The following FNDC3B variants were observed in gnomAD, a reference collection of about 807,000 sequenced individuals.
The protein encoded by FNDC3B is fibronectin type III domain containing 3B.
FNDC3B carries 12 observed loss-of-function variants against 151.5 expected under a neutral mutation model. That is an observed-to-expected ratio of 0.08 (90% CI 0.05 to 0.13). The LOEUF is 0.13. Ranked by LOEUF, FNDC3B falls within the 10% of genes least tolerant of loss-of-function variation. FNDC3B has a pLI of 1.00. For missense variants in FNDC3B, 1,214 were observed against 1,505.3 expected, an observed-to-expected ratio of 0.81 and a Z score of 3.20; for synonymous variants, 528 against 549.0, an observed-to-expected ratio of 0.96 and a Z score of 0.54.
intron 2 of FNDC3B, among the ~76,000 whole-genome samples, chr3:172,118,028 G>A (rs1720349261): frequency 1.3e-5 from 2 of 152,296 alleles, no homozygotes; most frequent in Admixed American, 1.3e-4. Flanking sequence ...TCAGCACTTA[G>A]CATGTCATTT....
At chr3:172,128,305 T>G (rs1720903987) in intron 2 of FNDC3B, among the ~76,000 whole-genome samples, 1 of 152,240 alleles carries the variant, frequency 6.6e-6, no homozygotes. Flanking sequence ...TACTTGCTTA[T>G]GTTTTTAATC....
intron 3 of FNDC3B, among the ~76,000 whole-genome samples, chr3:172,202,459 A>C (rs940699077): frequency 6.6e-6 from 1 of 152,226 alleles, no homozygotes; most frequent in African/African-American, 2.4e-5. Context: ...CCAGAGAACT[A>C]CACATGATAG....
chr3:172,155,759 A>G (rs1054139587), intron 3 of FNDC3B, among the ~76,000 whole-genome samples: 2 of 152,194 alleles, frequency 1.3e-5, no homozygotes, highest in African/African-American at 4.8e-5. Context: ...ATTTTCAGTA[A>G]AGTCACTTGA....
intron 23 of FNDC3B, among the ~76,000 whole-genome samples, chr3:172,374,388 A>G (rs77603191): frequency 6.6e-6 from 1 of 152,144 alleles, no homozygotes; most frequent in South Asian, 2.1e-4. Flanking sequence ...CTTTGATTTT[A>G]TTTATTTACT....
chr3:172,253,401 G>T (rs564838401), intron 6 of FNDC3B, among the ~76,000 whole-genome samples: 5 of 152,222 alleles, frequency 3.3e-5, no homozygotes, highest in East Asian at 1.9e-4. Flanking sequence ...TTGTTCATGG[G>T]GTCCATCAAG....
chr3:172,171,483 C>G (rs1723279290), intron 3 of FNDC3B, among the ~76,000 whole-genome samples: 2 of 151,958 alleles, frequency 1.3e-5, no homozygotes, highest in African/African-American at 4.8e-5. Flanking sequence ...TTTTAAAACT[C>G]TCTTTGCACA....
intron 3 of FNDC3B, among the ~76,000 whole-genome samples, chr3:172,188,993 C>A (rs1474017584): frequency 6.6e-6 from 1 of 152,054 alleles, no homozygotes; most frequent in African/African-American, 2.4e-5. Flanking sequence ...GGAAGAAGAA[C>A]CCTAAGAATG....
intron 2 of FNDC3B, among the ~76,000 whole-genome samples, chr3:172,120,920 C>G (rs1023076095): frequency 1.3e-5 from 2 of 151,848 alleles, no homozygotes; most frequent in Non-Finnish European, 2.9e-5. Flanking sequence ...GCCGAGATTG[C>G]GCCATTGCAC....
chr3:172,266,698 C>T, intron 6 of FNDC3B, among the ~76,000 whole-genome samples: 1 of 152,204 alleles, frequency 6.6e-6, no homozygotes, highest in East Asian at 1.9e-4. Flanking sequence ...TCAAGACCAG[C>T]ATCTTCAAAT....
intron 3 of FNDC3B, among the ~76,000 whole-genome samples, chr3:172,208,829 C>T (rs543751570): frequency 2.0e-5 from 3 of 152,286 alleles, no homozygotes; most frequent in East Asian, 3.9e-4. Context: ...GGTCCGGCCA[C>T]TGTGCACAGC....
intron 14 of FNDC3B, 67 bp downstream of exon 14, chr3:172,333,242 A>G (rs920288218): frequency 2.7e-5 from 27 of 1,012,254 alleles, no homozygotes; most frequent in East Asian, 7.1e-5. Context: ...ACCATTTACC[A>G]TGTCAGATTG....
intron 1 of FNDC3B, among the ~76,000 whole-genome samples, chr3:172,061,689 A>G (rs900218737): frequency 2.0e-5 from 3 of 152,244 alleles, no homozygotes; most frequent in East Asian, 1.9e-4. Context: ...GTGATATTCT[A>G]TATTTTCCTG....
intron 3 of FNDC3B, among the ~76,000 whole-genome samples, chr3:172,205,184 G>C (rs953465048): frequency 5.3e-5 from 8 of 151,834 alleles, no homozygotes; most frequent in African/African-American, 1.5e-4. Flanking sequence ...CCCCGCCCAG[G>C]CTACAGTATT....
intron 2 of FNDC3B, among the ~76,000 whole-genome samples, chr3:172,125,264 G>A (rs191659485): frequency 8.6e-4 from 131 of 152,302 alleles, no homozygotes; most frequent in African/African-American, 3.1e-3. Context: ...TGGTAGTGTC[G>A]GAAGGCCTGG....
chr3:172,073,939 C>G (rs1489105390), intron 1 of FNDC3B, among the ~76,000 whole-genome samples: 3 of 151,946 alleles, frequency 2.0e-5, no homozygotes, highest in Non-Finnish European at 4.4e-5. Context: ...ACCACATGAC[C>G]CTTAAGAAAT....
At chr3:172,343,962 T>G in intron 18 of FNDC3B, 124 bp from the exon 19 acceptor site, 1 of 780,260 alleles carries the variant, frequency 1.3e-6, no homozygotes, top group Non-Finnish European at 2.1e-6. Flanking sequence ...TGGATTCTTT[T>G]GTAAGGGAGA....
intron 4 of FNDC3B, among the ~76,000 whole-genome samples, chr3:172,239,853 G>GTTTTTTTTTTTTTTTTTTT (rs1195281476): frequency 1.5e-5 from 1 of 65,876 alleles, no homozygotes. Context: ...ATCCATTTTA[G>GTTTTTTTTTTTTTTTTTTT]TTCTTTTTTT....
chr3:172,179,011 A>G (rs1210008437), intron 3 of FNDC3B, among the ~76,000 whole-genome samples: 1 of 152,180 alleles, frequency 6.6e-6, no homozygotes, highest in Non-Finnish European at 1.5e-5. Context: ...CTCTTTTGCT[A>G]TTCCATAGAG....
chr3:172,366,880 C>T (rs575493062), intron 23 of FNDC3B, among the ~76,000 whole-genome samples: 7 of 152,146 alleles, frequency 4.6e-5, no homozygotes, highest in African/African-American at 7.2e-5. Flanking sequence ...ACAGGCAAAA[C>T]CTCCAAAGTA....
Sources: allele counts gnomAD v4.1 joint callset (sites outside exome capture counted in the v4.1 genomes callset), GRCh38; gene constraint gnomAD v4.1.1; transcripts MANE v1.5; gene names NCBI Gene and HGNC (gene_info 2026-07-23, HGNC 2026-07-21).